PRKG1: variants seen among roughly 807,000 people sequenced by gnomAD.
The protein encoded by PRKG1 is protein kinase cGMP-dependent 1.
A neutral mutation model predicts 88.1 loss-of-function variants in PRKG1; 35 were observed. The observed-to-expected ratio is 0.40, with a 90% confidence interval of 0.30 to 0.53. The LOEUF (loss-of-function observed/expected upper bound fraction) is 0.53. Ranked by LOEUF, PRKG1 falls within the 20% of genes least tolerant of loss-of-function variation. The pLI is 0.59. For synonymous variants in PRKG1, 303 were observed against 292.5 expected, an observed-to-expected ratio of 1.04 and a Z score of -0.37; for missense variants, 540 against 839.8, an observed-to-expected ratio of 0.64 and a Z score of 4.41.
In PRKG1 at chr10:52,011,437, T is replaced by C. The variant is rs182939835; in HGVS notation, c.763-43047T>C. ...TAATTCTACAAAAGGTTTCTCCTTT[T>C]TCCAATGGCAAAATAACTTCCTTTC... On this transcript the variant is annotated intron_variant, in intron 5 of 17. Coordinates refer to ENST00000373980, the MANE Select transcript of PRKG1 (RefSeq NM_006258.4). 3.9e-5 allele frequency among the ~76,000 whole-genome samples: 6 copies of C among 152,274 alleles called. No individual in the cohort carries two copies. In the East Asian group the frequency reaches 1.2e-3, roughly 29 times the overall value.
intron 5 of PRKG1, among the ~76,000 whole-genome samples, chr10:52,039,414 A>C (rs1845701320): frequency 1.3e-5 from 2 of 151,782 alleles, no homozygotes; most frequent in Non-Finnish European, 2.9e-5. Flanking sequence ...GGCCATTTAC[A>C]CTTCTTTTGT....
At chr10:51,509,711 T>C (rs933442224) in intron 3 of PRKG1, among the ~76,000 whole-genome samples, 7 of 152,106 alleles carry the variant, frequency 4.6e-5, no homozygotes, top group African/African-American at 7.2e-5. Flanking sequence ...ACACACGATG[T>C]TGGGGTTTTG....
intron 3 of PRKG1, among the ~76,000 whole-genome samples, chr10:51,602,732 A>ATGTGTGTGTGTGTGTG (rs4041278): frequency 7.8e-6 from 1 of 128,878 alleles, no homozygotes; most frequent in African/African-American, 3.8e-5. Flanking sequence ...ATTAATATAT[A>ATGTGTGTGTGTGTGTG]TGTGTGTGTG....
chr10:51,766,191 A>G (rs1008018663), intron 3 of PRKG1, among the ~76,000 whole-genome samples: 1 of 152,026 alleles, frequency 6.6e-6, no homozygotes, highest in Non-Finnish European at 1.5e-5. Context: ...TGCAGAGAGG[A>G]GGCCCAAAAG....
intron 5 of PRKG1, among the ~76,000 whole-genome samples, chr10:51,924,343 CT>C (rs1842526260): frequency 6.6e-6 from 1 of 152,076 alleles, no homozygotes; most frequent in Admixed American, 6.6e-5. Flanking sequence ...TCTCTCAACA[CT>C]TTAAATATTC....
chr10:51,310,798 T>C (rs979227135), intron 2 of PRKG1, among the ~76,000 whole-genome samples: 3 of 152,144 alleles, frequency 2.0e-5, no homozygotes, highest in Non-Finnish European at 4.4e-5. Flanking sequence ...ATTATGGACC[T>C]TGCCCTCTAG....
chr10:51,594,145 T>A (rs1255413416), intron 3 of PRKG1, among the ~76,000 whole-genome samples: 1 of 152,092 alleles, frequency 6.6e-6, no homozygotes, highest in Non-Finnish European at 1.5e-5. Flanking sequence ...CCTGTCAGCC[T>A]CCCAAGGAGG....
At chr10:51,661,528 G>C (rs987747171) in intron 3 of PRKG1, among the ~76,000 whole-genome samples, 3 of 152,112 alleles carry the variant, frequency 2.0e-5, no homozygotes, top group African/African-American at 7.2e-5. Context: ...ACCACAATGA[G>C]ATACCATCTC....
intron 4 of PRKG1, among the ~76,000 whole-genome samples, chr10:51,837,363 C>G (rs1840158583): frequency 6.6e-6 from 1 of 152,118 alleles, no homozygotes; most frequent in South Asian, 2.1e-4. Context: ...TTGAGAAATA[C>G]AGTTTGGAAT....
chr10:51,884,952 T>A (rs1841532689), intron 4 of PRKG1, among the ~76,000 whole-genome samples: 1 of 152,166 alleles, frequency 6.6e-6, no homozygotes, highest in Non-Finnish European at 1.5e-5. Context: ...AGTTTACTCA[T>A]CCATTGAGGT....
chr10:51,718,953 A>C (rs4400745), intron 3 of PRKG1, among the ~76,000 whole-genome samples: 88,369 of 151,974 alleles, frequency 0.58, 26,324 homozygotes, highest in Middle Eastern at 0.66. Flanking sequence ...TTGAGACCAG[A>C]TTAAATAACA....
intron 2 of PRKG1, among the ~76,000 whole-genome samples, chr10:51,249,904 T>C (rs770801981): frequency 2.0e-5 from 3 of 151,846 alleles, no homozygotes; most frequent in Non-Finnish European, 4.4e-5. Flanking sequence ...AAATGTCATA[T>C]TGTGCTTAAG....
chr10:51,446,655 C>G (rs147971598), intron 2 of PRKG1, among the ~76,000 whole-genome samples: 35 of 152,110 alleles, frequency 2.3e-4, no homozygotes, highest in East Asian at 9.7e-4. Flanking sequence ...AGGAAAACAA[C>G]GGTCCTTGCT....
intron 3 of PRKG1, chr10:51,698,899 A>T: frequency 6.2e-7 from 1 of 1,612,040 alleles, no homozygotes; most frequent in Non-Finnish European, 8.5e-7. Context: ...GCCCAGGGCC[A>T]GGGCCAGGGC....
chr10:51,829,657 T>C (rs1228723440), intron 4 of PRKG1, among the ~76,000 whole-genome samples: 1 of 152,190 alleles, frequency 6.6e-6, no homozygotes, highest in Non-Finnish European at 1.5e-5. Flanking sequence ...CATCTTATTT[T>C]CTAAATACAC....
At chr10:52,000,952 A>T (rs940461956) in intron 5 of PRKG1, among the ~76,000 whole-genome samples, 6 of 152,012 alleles carry the variant, frequency 3.9e-5, no homozygotes, top group Non-Finnish European at 5.9e-5. Context: ...AAATGACTTC[A>T]ATTTTTTGAG....
At chr10:52,205,226 C>G (rs1254372953) in intron 9 of PRKG1, among the ~76,000 whole-genome samples, 1 of 152,114 alleles carries the variant, frequency 6.6e-6, no homozygotes, top group Non-Finnish European at 1.5e-5. Flanking sequence ...TGACCTTCTG[C>G]CTTGTGATCT....
chr10:51,051,847 G>C (rs1353844457), intron 1 of PRKG1, among the ~76,000 whole-genome samples: 1 of 152,010 alleles, frequency 6.6e-6, no homozygotes, highest in Non-Finnish European at 1.5e-5. Context: ...CTTCAAATTA[G>C]CACATTCCTA....
At position 51,129,139 on chromosome 10, in the gene PRKG1, T is replaced by C. The variant is rs570300830; in HGVS notation, c.312-24025T>C. ...TTTATATGCGTCATCTCAGTATCTT[T>C]ATCACCACCTCCAAGTTTTTCACAA... On this transcript the variant is annotated intron_variant, in intron 1 of 17. Coordinates refer to ENST00000373980, the MANE Select transcript of PRKG1 (RefSeq NM_006258.4). Among the ~76,000 whole-genome samples the C allele has an allele frequency of 5.3e-5, 8 of 152,312 alleles. No homozygotes were observed. In the South Asian group the frequency reaches 1.2e-3, roughly 24 times the overall value.
Sources: allele counts gnomAD v4.1 joint callset (sites outside exome capture counted in the v4.1 genomes callset), GRCh38; gene constraint gnomAD v4.1.1; transcripts MANE v1.5; gene names NCBI Gene and HGNC (gene_info 2026-07-23, HGNC 2026-07-21).